ANKRD49: variants seen among roughly 807,000 people sequenced by gnomAD.
The protein encoded by ANKRD49 is ankyrin repeat domain 49.
ANKRD49 carries 18 observed loss-of-function variants against 19.6 expected under a neutral mutation model. That is an observed-to-expected ratio of 0.92 (90% CI 0.63 to 1.36). ANKRD49 has a LOEUF of 1.36. ANKRD49 is among the 40% of genes most tolerant of loss of function. The probability of loss-of-function intolerance (pLI) is 0.00; values close to 1 mark genes in which losing one functional copy is unlikely to be tolerated. For missense variants in ANKRD49, 218 were observed against 281.6 expected (o/e 0.77, Z 1.62); for synonymous variants, 88 against 101.8 (o/e 0.86, Z 0.82).
chr11:94,496,085 G>C (rs1329242891), intron 1 of ANKRD49, among the ~76,000 whole-genome samples: 1 of 152,132 alleles, frequency 6.6e-6, no homozygotes, highest in Admixed American at 6.5e-5. Flanking sequence ...AGTAGAAATA[G>C]GATAATTAGT....
Position 94,498,571 on chromosome 11 carries a change from C to A in ANKRD49, c.*39C>A. 6.6e-7 allele frequency: 1 copy of A among 1,519,520 alleles called. No individual in the cohort carries two copies. The highest frequency in any genetic ancestry group is 9.0e-7 in the Non-Finnish European group (1 of 1,113,650). The allele number at this position is 1,519,520 out of a possible 1,614,324, so 94.1% of individuals were successfully genotyped here. ...TTTCCTAAGTTTCTAAATACCAGTG[C>A]CTCCTGTGTGTGAGATGTATTCCCA... is the stretch of plus-strand genomic sequence containing the variant. On this transcript the variant is annotated 3_prime_UTR_variant, in exon 3 of 3. Coordinates refer to ENST00000544612, the MANE Select transcript of ANKRD49 (RefSeq NM_017704.3).
chr11:94,498,655 T>G lies in ANKRD49; in HGVS notation c.*123T>G. ...AAATTCAGTGACATTCATTATAACA[T>G]TCTTCCAAGTGAATTGCCTGACTTT... is the stretch of plus-strand genomic sequence containing the variant. On this transcript the variant is annotated 3_prime_UTR_variant, in exon 3 of 3. Coordinates refer to ENST00000544612, the MANE Select transcript of ANKRD49 (RefSeq NM_017704.3). 1.2e-6 allele frequency: 1 copy of G among 821,086 alleles called. No homozygotes were observed. The highest frequency in any genetic ancestry group is 1.8e-5 in the South Asian group (1 of 55,406). The allele number at this position is 821,086 out of a possible 1,614,324, so 50.9% of individuals were successfully genotyped here. A position where few individuals can be genotyped will look rare whatever the true frequency, so the allele number is the denominator to read the frequency against.
At chr11:94,496,396 AAAC>A (rs1391010395) in intron 1 of ANKRD49, among the ~76,000 whole-genome samples, 1 of 152,200 alleles carries the variant, frequency 6.6e-6, no homozygotes, top group African/African-American at 2.4e-5. Flanking sequence ...ACTTAGAAGA[AAAC>A]AACAAAAGTA....
chr11:94,498,054 C>CTTTTTTTTTTTT lies in ANKRD49; in HGVS notation c.259-9_259-8insTTTTTTTTTTTT. 6.5e-7 allele frequency: 1 copy of CTTTTTTTTTTTT among 1,530,560 alleles called. No homozygotes were observed. The highest frequency in any genetic ancestry group is 8.8e-7 in the Non-Finnish European group (1 of 1,138,576). The allele number at this position is 1,530,560 out of a possible 1,614,324, so 94.8% of individuals were successfully genotyped here. A position where few individuals can be genotyped will look rare whatever the true frequency, so the allele number is the denominator to read the frequency against. ...TGGTTTGAGTTGAGTTGAAAGATTT[C>CTTTTTTTTTTTT]TTTTTTTTCTTCTCAGCTTACCACA... On this transcript the variant is annotated splice_polypyrimidine_tract_variant and intron_variant, in intron 2 of 2. Coordinates refer to ENST00000544612, the MANE Select transcript of ANKRD49 (RefSeq NM_017704.3).
intron 1 of ANKRD49, among the ~76,000 whole-genome samples, chr11:94,495,579 G>A (rs955505992): frequency 3.3e-5 from 5 of 152,104 alleles, no homozygotes; most frequent in Non-Finnish European, 5.9e-5. Context: ...CTGGGAATTC[G>A]TATTTGTAAA....
At chr11:94,497,528 G>A (rs993603578) in intron 2 of ANKRD49, 1 of 156,786 alleles carries the variant, frequency 6.4e-6, no homozygotes, top group African/African-American at 2.4e-5. Context: ...CATTTAACCA[G>A]AGGCCCATAG....
intron 1 of ANKRD49, among the ~76,000 whole-genome samples, chr11:94,495,400 A>C (rs1404294681): frequency 6.6e-6 from 1 of 152,192 alleles, no homozygotes; most frequent in Non-Finnish European, 1.5e-5. Context: ...TTCAGCTTAT[A>C]ATCTTTTAAG....
Position 94,498,118 on chromosome 11 carries a change from C to T in ANKRD49, c.306C>T (p.Asn102=), listed in dbSNP as rs779280129. ...TTTCTGAAAAGGCCACTCACGTGAA[C>T]ACTAGGGATGAAGATGAGTATACCC... ...RLLSEKATHV[N]TRDEDEYTPL... Residue 102 remains asparagine, a synonymous_variant, in exon 3 of 3, where the codon AAC becomes AAT. Coordinates refer to ENST00000544612, the MANE Select transcript of ANKRD49 (RefSeq NM_017704.3). 6 of 1,613,844 alleles carry T rather than the reference C, an allele frequency of 3.7e-6. No individual in the cohort carries two copies. The highest frequency in any genetic ancestry group is 5.1e-6 in the Non-Finnish European group (6 of 1,179,990).
chr11:94,496,730 G>A lies in ANKRD49; in HGVS notation c.37G>A (p.Asp13Asn). 1 of 1,608,788 alleles carries A rather than the reference G, an allele frequency of 6.2e-7. No homozygotes were observed. The highest frequency in any genetic ancestry group is 8.5e-7 in the Non-Finnish European group (1 of 1,178,032). Residue 13 changes from aspartate (D) to asparagine (N), a missense_variant, in exon 2 of 3, where the codon GAC (aspartate) becomes AAC (asparagine). Coordinates refer to ENST00000544612, the MANE Select transcript of ANKRD49 (RefSeq NM_017704.3). ...KEKGNDDGIPDQENSLDFSEH... is the reference protein window; with the variant it reads ...KEKGNDDGIPNQENSLDFSEH... ...AAAAGGAAATGATGATGGAATACCA[G>A]ACCAAGAGAATTCCTTGGATTTTTC...
At chr11:94,497,014 G>T (rs747725317) in intron 2 of ANKRD49, 63 bp downstream of exon 2, 35 of 1,600,712 alleles carry the variant, frequency 2.2e-5, no homozygotes, top group Non-Finnish European at 2.8e-5. Context: ...CAAGCCAGAA[G>T]ACCTGCCTTT....
rs189197046 is a variant in ANKRD49, at chr11:94,495,802, T to C, written c.-90-802T>C. On this transcript the variant is annotated intron_variant, in intron 1 of 2. Transcript: ENST00000544612. The stretch of plus-strand genomic sequence containing the variant: ...AGACAAGGTCTTGTAGTAGTACTTA[T>C]CATGTTGTCTTTGCCAGACACATGA... Among the ~76,000 whole-genome samples the C allele has an allele frequency of 7.2e-5, 11 of 152,316 alleles. No individual in the cohort carries two copies. The East Asian group carries it at 1.4e-3, about 19-fold the overall frequency.
chr11:94,495,267 T>A (rs1459816146), intron 1 of ANKRD49, among the ~76,000 whole-genome samples: 1 of 152,176 alleles, frequency 6.6e-6, no homozygotes, highest in African/African-American at 2.4e-5. Context: ...CTGGAACTTC[T>A]CAGAATCCAT....
At chr11:94,494,145 A>C (rs1228495646) in intron 1 of ANKRD49, 110 bp downstream of exon 1, 1 of 152,188 alleles carries the variant, frequency 6.6e-6, no homozygotes, top group African/African-American at 2.4e-5. Context: ...CGAGCCCTGC[A>C]GGTCAGGCCG....
intron 2 of ANKRD49, 111 bp downstream of exon 2, chr11:94,497,062 G>A (rs1207860459): frequency 1.5e-6 from 2 of 1,373,656 alleles, no homozygotes; most frequent in Non-Finnish European, 2.0e-6. Flanking sequence ...TGATTGTGAG[G>A]ACCAAATGAG....
At chr11:94,497,603 T>C (rs1300811226) in intron 2 of ANKRD49, 1 of 156,712 alleles carries the variant, frequency 6.4e-6, no homozygotes, top group African/African-American at 2.4e-5. Flanking sequence ...AATTGAGCTC[T>C]TGAATCCCTA....
chr11:94,497,958 CTAACAAG>C (rs1226277741), intron 2 of ANKRD49, 106 bp from the exon 3 acceptor site: 1 of 773,944 alleles, frequency 1.3e-6, no homozygotes, highest in Non-Finnish European at 2.0e-6. Flanking sequence ...AAGTCATCTA[CTAACAAG>C]TAAGTTTTTA....
chr11:94,497,163 G>A, intron 2 of ANKRD49: 1 of 611,678 alleles, frequency 1.6e-6, no homozygotes, highest in Non-Finnish European at 2.8e-6. Context: ...AAGATAGCAA[G>A]CAATCATCTA....
chr11:94,495,755 C>T (rs191286564), intron 1 of ANKRD49, among the ~76,000 whole-genome samples: 3 of 152,210 alleles, frequency 2.0e-5, no homozygotes, highest in Non-Finnish European at 4.4e-5. Flanking sequence ...AATTATGAAC[C>T]TCCTGTATAC....
rs1182296516 is a variant in ANKRD49, at chr11:94,498,343, C to G, written c.531C>G (p.Pro177=). 1.2e-6 allele frequency: 2 copies of G among 1,613,668 alleles called. No individual in the cohort carries two copies. The highest frequency in any genetic ancestry group is 1.7e-6 in the Non-Finnish European group (2 of 1,179,964). Residue 177 remains proline (P), a synonymous_variant, in exon 3 of 3, where the codon CCC becomes CCG. Coordinates refer to ENST00000544612, the MANE Select transcript of ANKRD49 (RefSeq NM_017704.3). The stretch of plus-strand genomic sequence containing the variant: ...CCCAAACAAAAGGCCTCTTGACCCC[C>G]TTGCATCTTGCTGCTGGGAACAGAG... ...INAQTKGLLT[P]LHLAAGNRDS... is the part of the protein sequence containing the mutation.
Sources: allele counts gnomAD v4.1 joint callset (sites outside exome capture counted in the v4.1 genomes callset), GRCh38; gene constraint gnomAD v4.1.1; transcripts MANE v1.5; gene names NCBI Gene and HGNC (gene_info 2026-07-23, HGNC 2026-07-21).